The following SEC14L5 variants were observed in gnomAD, a reference collection of about 807,000 sequenced individuals.
SEC14L5 encodes SEC14 like lipid binding 5.
Under a neutral mutation model 84.6 loss-of-function variants are expected in SEC14L5, and 96 were observed. That is an observed-to-expected ratio of 1.13 (90% CI 0.96 to 1.34). The LOEUF (loss-of-function observed/expected upper bound fraction) is 1.34. Ranked by LOEUF, SEC14L5 falls within the 40% of genes most tolerant of loss-of-function variation. The probability of loss-of-function intolerance (pLI) is 0.00; values close to 1 mark genes in which losing one functional copy is unlikely to be tolerated. For missense variants in SEC14L5, 1,224 were observed against 942.5 expected (o/e 1.30, Z -3.91); for synonymous variants, 546 against 383.4 (o/e 1.42, Z -4.95).
chr16:4,992,781 T>C (rs1226872188), intron 6 of SEC14L5, among the ~76,000 whole-genome samples: 1 of 152,168 alleles, frequency 6.6e-6, no homozygotes, highest in Admixed American at 6.5e-5. Context: ...AGGCTAACAA[T>C]AGTTTTGTGT....
chr16:5,016,670 G>A lies in SEC14L5; in HGVS notation c.*1700G>A, dbSNP rs1236542146. ...CTCTGCTGCAGTAACTGAGCCAAGGGGTGGTTTTGTGGCCACAAGAATCAT... is the reference window on the plus strand; with the variant it reads ...CTCTGCTGCAGTAACTGAGCCAAGGAGTGGTTTTGTGGCCACAAGAATCAT... On this transcript the variant is annotated 3_prime_UTR_variant, in exon 16 of 16. Coordinates refer to ENST00000251170, the MANE Select transcript of SEC14L5 (RefSeq NM_014692.2). The A allele has an allele frequency of 6.6e-6, 1 of 152,158 alleles. No homozygotes were observed. The highest frequency in any genetic ancestry group is 1.5e-5 in the Non-Finnish European group (1 of 68,038). The allele number at this position is 152,158 out of a possible 1,614,324, so 9.4% of individuals were successfully genotyped here. A position where few individuals can be genotyped will look rare whatever the true frequency, so the allele number is the denominator to read the frequency against.
At chr16:4,991,487 T>A (rs1266412070) in intron 5 of SEC14L5, among the ~76,000 whole-genome samples, 1 of 151,786 alleles carries the variant, frequency 6.6e-6, no homozygotes, top group Admixed American at 6.6e-5. Flanking sequence ...GATCTCTTGA[T>A]CCTGGGAGGT....
At chr16:5,014,381 C>G (rs891190135) in intron 15 of SEC14L5, among the ~76,000 whole-genome samples, 1 of 152,208 alleles carries the variant, frequency 6.6e-6, no homozygotes. Flanking sequence ...AGAGCCCCGT[C>G]TCTATACAAG....
intron 2 of SEC14L5, among the ~76,000 whole-genome samples, chr16:4,982,385 A>T (rs1955434595): frequency 6.6e-6 from 1 of 152,154 alleles, no homozygotes; most frequent in South Asian, 2.1e-4. Flanking sequence ...TCAGCCACAG[A>T]TGCTGGGATA....
intron 3 of SEC14L5, 50 bp downstream of exon 3, chr16:4,987,756 T>G (rs1596627578): frequency 2.3e-6 from 3 of 1,299,192 alleles, no homozygotes; most frequent in South Asian, 1.7e-5. Context: ...GTTGCGGAGG[T>G]GCGGGAGGGC....
At chr16:5,003,064 G>A (rs537967816) in intron 10 of SEC14L5, among the ~76,000 whole-genome samples, 16 of 152,314 alleles carry the variant, frequency 1.1e-4, no homozygotes, top group East Asian at 5.8e-4. Flanking sequence ...TGGTGTGCCC[G>A]TCCTTGCAGA....
At position 4,990,829 on chromosome 16, in the gene SEC14L5, T is replaced by G; in HGVS notation, c.408T>G (p.Ser136=). Residue 136 remains serine, a synonymous_variant, in exon 5 of 16, where the codon TCT becomes TCG. Transcript: ENST00000251170. ...FEQSASLDIR[S]FFGFENALEK... Reference sequence around the variant, plus strand: ...AGTCTGCCTCACTGGACATTCGGTCTTTCTTTGGCTTTGAAAATGCCTTGG... The same window carrying G: ...AGTCTGCCTCACTGGACATTCGGTCGTTCTTTGGCTTTGAAAATGCCTTGG... 6.2e-7 allele frequency: 1 copy of G among 1,612,178 alleles called. No homozygotes were observed. The highest frequency in any genetic ancestry group is 8.5e-7 in the Non-Finnish European group (1 of 1,179,036).
chr16:4,989,756 T>C (rs1191724368), intron 4 of SEC14L5, among the ~76,000 whole-genome samples: 1 of 152,178 alleles, frequency 6.6e-6, no homozygotes, highest in Non-Finnish European at 1.5e-5. Context: ...TTGAAACCCC[T>C]CTTAGTGTGT....
rs780107464 is a variant in SEC14L5, at chr16:4,991,823, C to T, written c.475-15C>T. The T allele has an allele frequency of 6.3e-7, 1 of 1,582,838 alleles. No individual in the cohort carries two copies. The highest frequency in any genetic ancestry group is 2.3e-5 in the East Asian group (1 of 44,236). Reference sequence around the variant, plus strand: ...TGCCCCGTGCTCATGTGTCTTGGGTCTCTCTGGCTTCCAGGGGAAGGAGGT... The same window carrying T: ...TGCCCCGTGCTCATGTGTCTTGGGTTTCTCTGGCTTCCAGGGGAAGGAGGT... On this transcript the variant is annotated splice_polypyrimidine_tract_variant and intron_variant, in intron 5 of 15. Transcript: ENST00000251170.
intron 2 of SEC14L5, among the ~76,000 whole-genome samples, chr16:4,977,446 C>CAAAAAAAAAAAAAAAAAAAAAAGAAAA (rs1955357336): frequency 1.5e-5 from 1 of 66,142 alleles, no homozygotes. Context: ...GACTCCGTCT[C>CAAAAAAAAAAAAAAAAAAAAAAGAAAA]AAAAAAAAAA....
chr16:5,000,746 G>T lies in SEC14L5; in HGVS notation c.1059+3G>T. On this transcript the variant is annotated splice_donor_region_variant and intron_variant, in intron 9 of 15. Coordinates refer to ENST00000251170, the MANE Select transcript of SEC14L5 (RefSeq NM_014692.2). Reference sequence around the variant, plus strand: ...GGGAGGAGGCGCTGCTGCGGCATGTGAGTCAGGGGCCTCGTTCCTGGACGC... The same window carrying T: ...GGGAGGAGGCGCTGCTGCGGCATGTTAGTCAGGGGCCTCGTTCCTGGACGC... The T allele has an allele frequency of 6.4e-7, 1 of 1,553,498 alleles. No homozygotes were observed. The highest frequency in any genetic ancestry group is 8.7e-7 in the Non-Finnish European group (1 of 1,148,264).
chr16:4,994,864 C>T, intron 6 of SEC14L5, among the ~76,000 whole-genome samples: 1 of 152,056 alleles, frequency 6.6e-6, no homozygotes, highest in East Asian at 1.9e-4. Context: ...CCCTTCTGCC[C>T]TCTCCTGAAT....
intron 15 of SEC14L5, among the ~76,000 whole-genome samples, chr16:5,011,850 G>T (rs1357725236): frequency 1.3e-5 from 2 of 152,132 alleles, no homozygotes; most frequent in Admixed American, 6.5e-5. Flanking sequence ...CCTGTCACCT[G>T]GGCATGCGGT....
intron 10 of SEC14L5, 95 bp from the exon 11 acceptor site, chr16:5,003,307 C>G (rs1955696082): frequency 2.1e-6 from 2 of 934,124 alleles, no homozygotes; most frequent in Non-Finnish European, 3.3e-6. Flanking sequence ...CCAGCCCTAT[C>G]TCTCGGAGCC....
At chr16:5,001,003 G>C (rs894814816) in intron 10 of SEC14L5, 78 bp downstream of exon 10, 2 of 1,136,294 alleles carry the variant, frequency 1.8e-6, no homozygotes, top group Non-Finnish European at 2.6e-6. Flanking sequence ...GTGCATATGT[G>C]CTGGGCTGGG....
chr16:5,007,056 G>A (rs1362269613), intron 12 of SEC14L5, among the ~76,000 whole-genome samples: 2 of 152,186 alleles, frequency 1.3e-5, no homozygotes, highest in Non-Finnish European at 2.9e-5. Flanking sequence ...ACATGAGCAT[G>A]GGGCTGTGAC....
intron 2 of SEC14L5, among the ~76,000 whole-genome samples, chr16:4,960,943 G>A (rs558774808): frequency 2.0e-5 from 3 of 152,124 alleles, no homozygotes; most frequent in Non-Finnish European, 4.4e-5. Flanking sequence ...GTTCTGCTGT[G>A]CTCTGCCATG....
chr16:4,964,085 AGCTGGAGTATCCAGT>A (rs1413189559), intron 2 of SEC14L5, among the ~76,000 whole-genome samples: 1 of 152,206 alleles, frequency 6.6e-6, no homozygotes, highest in Non-Finnish European at 1.5e-5. Context: ...CAATGGAGGC[AGCTGGAGTATCCAGT>A]GTTGGAGAGG....
chr16:4,994,335 T>C (rs1366354025), intron 6 of SEC14L5, among the ~76,000 whole-genome samples: 2 of 152,112 alleles, frequency 1.3e-5, no homozygotes, highest in African/African-American at 4.8e-5. Context: ...GAGAATGAAA[T>C]TCATTCATAC....
Sources: allele counts gnomAD v4.1 joint callset (sites outside exome capture counted in the v4.1 genomes callset), GRCh38; gene constraint gnomAD v4.1.1; transcripts MANE v1.5; gene names NCBI Gene and HGNC (gene_info 2026-07-23, HGNC 2026-07-21).